HRC: variants seen among roughly 807,000 people sequenced by gnomAD.
HRC encodes histidine rich calcium binding protein, also known as sarcoplasmic reticulum histidine-rich calcium-binding protein.
In HRC, 41 loss-of-function variants were observed where a neutral mutation model predicts 61.4. That is an observed-to-expected ratio of 0.67 (90% CI 0.52 to 0.87). HRC has a LOEUF of 0.87. HRC is among the 40% of genes least tolerant of loss of function. HRC has a pLI of 0.00. For synonymous variants in HRC, 308 were observed against 326.6 expected, an observed-to-expected ratio of 0.94 and a Z score of 0.62; for missense variants, 839 against 885.8, an observed-to-expected ratio of 0.95 and a Z score of 0.67.
chr19:49,151,610 G>A (rs2041360044), intron 4 of HRC, 57 bp from the exon 5 acceptor site: 14 of 1,499,304 alleles, frequency 9.3e-6, no homozygotes, highest in Non-Finnish European at 1.3e-5. Flanking sequence ...AAATTAGGCA[G>A]CCACTCAGTA....
chr19:49,154,143 A>G lies in HRC; in HGVS notation c.1095T>C (p.Gly365=), dbSNP rs575373214. The change falls in exon 1 of 6, where the codon GGT becomes GGC. Residue 365 remains glycine, a synonymous_variant. Coordinates refer to ENST00000252825, the MANE Select transcript of HRC (RefSeq NM_002152.3). ...CAAGGCCATGGTGGACATGTTGGGG[A>G]CCCTGGTGCCAACGTTCAGTGGACA... ...EDVSTERWHQ[G]PQHVHHGLVD... is the part of the protein sequence containing the mutation. 1.3e-4 allele frequency: 202 copies of G among 1,613,276 alleles called. No individual in the cohort carries two copies. The highest frequency in any genetic ancestry group is 1.7e-4 in the Non-Finnish European group (197 of 1,179,838).
chr19:49,154,080 C>A lies in HRC; in HGVS notation c.1158G>T (p.Gln386His), dbSNP rs752194946. ...EEEEEEEITV[Q>H]FGHYVASHQP... ...GGTGGCTTGCAACATAGTGGCCGAA[C>A]TGGACTGTGATCTCCTCTTCTTCCT... The change falls in exon 1 of 6, where the codon CAG (glutamine) becomes CAT (histidine). Residue 386 changes from glutamine to histidine, a missense_variant. Physicochemically the swap from Gln to His is conservative, Grantham distance 24 (BLOSUM62 0). Transcript: ENST00000252825. The A allele has an allele frequency of 2.5e-6, 4 of 1,614,082 alleles. No homozygotes were observed. The highest frequency in any genetic ancestry group is 3.4e-6 in the Non-Finnish European group (4 of 1,180,054).
Position 49,153,618 on chromosome 19 carries a change from C to T in HRC, c.1620G>A (p.Lys540=), listed in dbSNP as rs1371125963. Residue 540 remains lysine, a synonymous_variant, in exon 1 of 6, where the codon AAG becomes AAA. Coordinates refer to ENST00000252825, the MANE Select transcript of HRC (RefSeq NM_002152.3). The surrounding 1 kb of genome is among the most constrained non-coding windows in gnomAD (Gnocchi z 4.8). ...LNQEEEEEED[K]EEEEEEEDEE... Reference sequence around the variant, plus strand: ...CGTCTTCTTCCTCCTCCTCCTCCTCCTTGTCTTCCTCTTCTTCCTCCTCCT... The same window carrying T: ...CGTCTTCTTCCTCCTCCTCCTCCTCTTTGTCTTCCTCTTCTTCCTCCTCCT... The T allele has an allele frequency of 4.5e-6, 7 of 1,545,246 alleles. No individual in the cohort carries two copies. Among genetic ancestry groups the T allele is most frequent in the Non-Finnish European group, 5.3e-6 (6 of 1,121,856 alleles).
In HRC at chr19:49,153,664, C is replaced by T. The variant is rs771492765; in HGVS notation, c.1574G>A (p.Gly525Asp). ...CTCCTGGTTCAGGCTGAGGCCATGA[C>T]CTTCCTCCTCATCCTCCTCATCTTC... ...DQEDEEDEEE[G>D]HGLSLNQEEE... The change falls in exon 1 of 6, where the codon GGT (glycine) becomes GAT (aspartate). Residue 525 changes from glycine (G) to aspartate (D), a missense_variant. By Grantham distance (94) the Gly-to-Asp change is moderately conservative. Coordinates refer to ENST00000252825, the MANE Select transcript of HRC (RefSeq NM_002152.3). The surrounding 1 kb of genome is among the most constrained non-coding windows in gnomAD (Gnocchi z 4.8). 18 of 1,597,310 alleles carry T rather than the reference C, an allele frequency of 1.1e-5. No individual in the cohort carries two copies. Among genetic ancestry groups the T allele is most frequent in the Middle Eastern group, 3.3e-4 (2 of 6,070 alleles).
Position 49,153,762 on chromosome 19 carries a change from G to A in HRC, c.1476C>T (p.Pro492=), listed in dbSNP as rs1047779235. Residue 492 remains proline, a synonymous_variant, in exon 1 of 6, where the codon CCC becomes CCT. Coordinates refer to ENST00000252825, the MANE Select transcript of HRC (RefSeq NM_002152.3). This position sits in a 1 kb window ranked among gnomAD's most constrained non-coding sequence, Gnocchi z 4.8. ...TTTCATCGTCTTCCTCATGGGAGCC[G>A]GGGTCCTCTTCCTTCTCCTTTTCCT... The part of the protein sequence containing the change: ...SEEEKEKEED[P]GSHEEDDESS... 12 of 1,613,912 alleles carry A rather than the reference G, an allele frequency of 7.4e-6. No individual in the cohort carries two copies. Among genetic ancestry groups the A allele is most frequent in the East Asian group, 4.5e-5 (2 of 44,888 alleles).
In HRC at chr19:49,151,318, A is replaced by C; in HGVS notation, c.2078T>G (p.Met693Arg). The C allele has an allele frequency of 6.4e-7, 1 of 1,558,654 alleles. No individual in the cohort carries two copies. Among genetic ancestry groups the C allele is most frequent in the Non-Finnish European group, 8.7e-7 (1 of 1,149,752 alleles). The change falls in exon 6 of 6, where the codon ATG (methionine) becomes AGG (arginine). Residue 693 changes from methionine to arginine, a missense_variant. Transcript: ENST00000252825. ...SSSLYQALADMLETPEP is the reference protein window; with the variant it reads ...SSSLYQALADRLETPEP ...GGGTCAGGGTTCCGGCGTTTCCAGC[A>C]TGTCTGCCAGGGCCCTGGAGACGAG... is the stretch of plus-strand genomic sequence containing the variant.
At chr19:49,152,257 TCCCGGTGCATCCTGAGG>T (rs1358586251) in intron 3 of HRC, 36 bp downstream of exon 3, 24 of 1,511,056 alleles carry the variant, frequency 1.6e-5, no homozygotes, top group Non-Finnish European at 2.1e-5. Context: ...CCTCAGAGGG[TCCCGGTGCATCCTGAGG>T]CCCAGTGGAG....
chr19:49,152,176 A>G, intron 3 of HRC, 118 bp from the exon 4 acceptor site: 1 of 1,278,018 alleles, frequency 7.8e-7, no homozygotes, highest in Non-Finnish European at 1.1e-6. Context: ...TGGAGTCAGG[A>G]TCGCTTGTGG....
In HRC at chr19:49,153,931, T is replaced by A. The variant is rs759769237; in HGVS notation, c.1307A>T (p.His436Leu). The change falls in exon 1 of 6, where the codon CAC becomes CTC. Residue 436 changes from histidine to leucine, a missense_variant. His to Leu is a moderately conservative substitution (Grantham distance 99). Coordinates refer to ENST00000252825, the MANE Select transcript of HRC (RefSeq NM_002152.3). This position sits in a 1 kb window ranked among gnomAD's most constrained non-coding sequence, Gnocchi z 4.8. ...GCTTTGCCTGTGGCTGGGGGCCTGG[T>A]GGCCAAGCTCAGCAGAGACCTCCTC... ...EDEEVSAELGHQAPSHRQSHQ... is the reference protein window; with the variant it reads ...EDEEVSAELGLQAPSHRQSHQ... 6 of 1,614,006 alleles carry A rather than the reference T, an allele frequency of 3.7e-6. No individual in the cohort carries two copies. Among genetic ancestry groups the A allele is most frequent in the Non-Finnish European group, 5.1e-6 (6 of 1,180,030 alleles).
rs1327679906 is a variant in HRC, at chr19:49,154,194, G to T, written c.1044C>A (p.His348Gln). The change falls in exon 1 of 6, where the codon CAC becomes CAA. Residue 348 changes from histidine (H) to glutamine (Q), a missense_variant. By Grantham distance (24) the His-to-Gln change is conservative. Transcript: ENST00000252825. ...CATCCTCATCTTCTTCCTCGTCTCT[G>T]TGGCCTTGGTGCCTGTGGTCAGGGA... Reference protein sequence around the residue: ...HHVPDHRHQGHRDEEEDEDVS... With the variant: ...HHVPDHRHQGQRDEEEDEDVS... 1 of 1,613,856 alleles carries T rather than the reference G, an allele frequency of 6.2e-7. No homozygotes were observed. Among genetic ancestry groups the T allele is most frequent in the Non-Finnish European group, 8.5e-7 (1 of 1,179,974 alleles).
Position 49,151,297 on chromosome 19 carries a change from C to A in HRC, c.2099G>T (p.Ter700LeuextTer?). 1 of 1,556,020 alleles carries A rather than the reference C, an allele frequency of 6.4e-7. No individual in the cohort carries two copies. The highest frequency in any genetic ancestry group is 8.7e-7 in the Non-Finnish European group (1 of 1,148,526). Residue 700 changes from the stop codon to leucine, a stop_lost, in exon 6 of 6, where the codon TGA becomes TTA. Transcript: ENST00000252825. ...CTGCGTCGCAGTCGAGCGACTGGGT[C>A]AGGGTTCCGGCGTTTCCAGCATGTC... is the stretch of plus-strand genomic sequence containing the variant. ...LADMLETPEP[*>L]
chr19:49,153,964 T>C lies in HRC; in HGVS notation c.1274A>G (p.Glu425Gly), dbSNP rs779748663. The C allele has an allele frequency of 3.7e-5, 59 of 1,614,010 alleles. No individual in the cohort carries two copies. The East Asian group carries it at 3.8e-4, about 10-fold the overall frequency. Residue 425 changes from glutamate (E) to glycine (G), a missense_variant, in exon 1 of 6, where the codon GAG becomes GGG. By Grantham distance (98) the Glu-to-Gly change is moderately conservative (BLOSUM62 -2). Coordinates refer to ENST00000252825, the MANE Select transcript of HRC (RefSeq NM_002152.3). The surrounding 1 kb of genome is among the most constrained non-coding windows in gnomAD (Gnocchi z 4.8). Reference sequence around the variant, plus strand: ...CTCAGCAGAGACCTCCTCATCTTCCTCCCTGGGGACTCTGTGGTGGTGATG... The same window carrying C: ...CTCAGCAGAGACCTCCTCATCTTCCCCCCTGGGGACTCTGTGGTGGTGATG... ...PHHHHHRVPR[E>G]EDEEVSAELG...
chr19:49,154,104 C>T lies in HRC; in HGVS notation c.1134G>A (p.Glu378=), dbSNP rs2122690127. The change falls in exon 1 of 6, where the codon GAG becomes GAA. Residue 378 remains glutamate (E), a synonymous_variant. Coordinates refer to ENST00000252825, the MANE Select transcript of HRC (RefSeq NM_002152.3). ...ACTGGACTGTGATCTCCTCTTCTTCCTCTTCCTCATCTACAAGGCCATGGT... is the reference window on the plus strand; with the variant it reads ...ACTGGACTGTGATCTCCTCTTCTTCTTCTTCCTCATCTACAAGGCCATGGT... ...HVHHGLVDEE[E]EEEEITVQFG... is the part of the protein sequence containing the mutation. The T allele has an allele frequency of 1.2e-6, 2 of 1,614,092 alleles. No homozygotes were observed. The highest frequency in any genetic ancestry group is 1.7e-6 in the Non-Finnish European group (2 of 1,180,042).
rs750803531 is a variant in HRC at position 49,153,952 on chromosome 19, T to G, written c.1286A>C (p.Glu429Ala). 1.2e-6 allele frequency: 2 copies of G among 1,613,362 alleles called. No individual in the cohort carries two copies. Among genetic ancestry groups the G allele is most frequent in the South Asian group, 1.1e-5 (1 of 90,408 alleles). Residue 429 changes from glutamate to alanine, a missense_variant, in exon 1 of 6, where the codon GAG (glutamate) becomes GCG (alanine). Physicochemically the swap from Glu to Ala is moderately radical, Grantham distance 107. Transcript: ENST00000252825. This position sits in a 1 kb window ranked among gnomAD's most constrained non-coding sequence, Gnocchi z 4.8. ...CTGGTGGCCAAGCTCAGCAGAGACC[T>G]CCTCATCTTCCTCCCTGGGGACTCT... ...HHRVPREEDE[E>A]VSAELGHQAP... is the part of the protein sequence containing the mutation.
chr19:49,151,712 G>A (rs2122682816), intron 4 of HRC, among the ~76,000 whole-genome samples, 159 bp from the exon 5 acceptor site: 1 of 152,028 alleles, frequency 6.6e-6, no homozygotes, highest in Non-Finnish European at 1.5e-5. Context: ...TTCGTTCTGG[G>A]TGATTCCGTT....
chr19:49,151,660 T>G (rs2041360701), intron 4 of HRC, 107 bp from the exon 5 acceptor site: 1 of 989,724 alleles, frequency 1.0e-6, no homozygotes, highest in South Asian at 1.4e-5. Flanking sequence ...TCCTTTTCCC[T>G]AATTCCTTCT....
In HRC at chr19:49,154,604, G is replaced by T; in HGVS notation, c.634C>A (p.Gln212Lys). 6.2e-7 allele frequency: 1 copy of T among 1,603,962 alleles called. No homozygotes were observed. The highest frequency in any genetic ancestry group is 8.5e-7 in the Non-Finnish European group (1 of 1,172,370). ...CCATGGCCTCGGTGCCTGTGGGCCTGGTGTCCATACTCAGTGGAGGCCTCC... is the reference window on the plus strand; with the variant it reads ...CCATGGCCTCGGTGCCTGTGGGCCTTGTGTCCATACTCAGTGGAGGCCTCC... ...EEEASTEYGH[Q>K]AHRHRGHGSE... Residue 212 changes from glutamine (Q) to lysine (K), a missense_variant, in exon 1 of 6, where the codon CAG (glutamine) becomes AAG (lysine). Coordinates refer to ENST00000252825, the MANE Select transcript of HRC (RefSeq NM_002152.3).
intron 2 of HRC, 26 bp from the exon 3 acceptor site, chr19:49,152,404 A>G: frequency 2.5e-6 from 4 of 1,606,932 alleles, no homozygotes; most frequent in Non-Finnish European, 3.4e-6. Context: ...GCCTGGTTAG[A>G]TGGAAACTCT....
Position 49,153,582 on chromosome 19 carries a change from C to G in HRC, c.1656G>C (p.Arg552Ser). 1 of 1,527,658 alleles carries G rather than the reference C, an allele frequency of 6.5e-7. No individual in the cohort carries two copies. Among genetic ancestry groups the G allele is most frequent in the South Asian group, 1.2e-5 (1 of 84,746 alleles). 94.6% of individuals were successfully genotyped at this position (1,527,658 alleles called of 1,614,324 possible). ...EEEEEEDEER[R>S]EERAEVGAPL... Reference sequence around the variant, plus strand: ...GGGCCCCAACCTCAGCCCTCTCTTCCCTCCTCTCCTCGTCTTCTTCCTCCT... The same window carrying G: ...GGGCCCCAACCTCAGCCCTCTCTTCGCTCCTCTCCTCGTCTTCTTCCTCCT... The change falls in exon 1 of 6, where the codon AGG (arginine) becomes AGC (serine). Residue 552 changes from arginine to serine, a missense_variant. Arg to Ser is a moderately radical substitution (Grantham distance 110, BLOSUM62 -1). Coordinates refer to ENST00000252825, the MANE Select transcript of HRC (RefSeq NM_002152.3). The surrounding 1 kb of genome is among the most constrained non-coding windows in gnomAD (Gnocchi z 4.8).
Sources: gnomAD v4.1 joint callset for allele counts (sites outside exome capture counted in the v4.1 genomes callset) on GRCh38, gnomAD v4.1.1 for gene constraint, Gnocchi (gnomAD v3.1) non-coding constraint, MANE v1.5 for transcripts, NCBI Gene and HGNC (gene_info 2026-07-23, HGNC 2026-07-21) for gene names.